ERBB4: variants seen among roughly 807,000 people sequenced by gnomAD.
The protein encoded by ERBB4 is receptor tyrosine-protein kinase erbB-4.
Under a neutral mutation model 158.0 loss-of-function variants are expected in ERBB4, and 42 were observed. The ratio of observed to expected loss-of-function variants is 0.27; its 90% CI spans 0.21 to 0.34. ERBB4 has a LOEUF of 0.34. ERBB4 is among the 10% of genes least tolerant of loss of function. The pLI is 1.00. For synonymous variants in ERBB4, 583 were observed against 558.7 expected (o/e 1.04, Z -0.61); for missense variants, 1,333 against 1,624.1 (o/e 0.82, Z 3.08).
intron 16 of ERBB4, among the ~76,000 whole-genome samples, chr2:211,648,692 C>G (rs1176428512): frequency 3.3e-5 from 5 of 151,806 alleles, no homozygotes; most frequent in Non-Finnish European, 4.4e-5. Flanking sequence ...GATACACAAT[C>G]TAAGATTCAT....
intron 23 of ERBB4, among the ~76,000 whole-genome samples, chr2:211,423,241 G>A (rs2063549581): frequency 6.6e-6 from 1 of 151,952 alleles, no homozygotes; most frequent in Non-Finnish European, 1.5e-5. Context: ...GAAAAGGGCA[G>A]GCTGACCTGA....
chr2:212,128,089 C>T (rs1041894329), intron 1 of ERBB4, among the ~76,000 whole-genome samples: 2 of 152,194 alleles, frequency 1.3e-5, no homozygotes, highest in Non-Finnish European at 2.9e-5. Context: ...CTCCATGCTA[C>T]ACTTCCATTG....
chr2:212,374,069 C>CAT (rs533237770), intron 1 of ERBB4, among the ~76,000 whole-genome samples: 3 of 77,512 alleles, frequency 3.9e-5, no homozygotes, highest in South Asian at 3.9e-4. Context: ...CATATATATC[C>CAT]ATATATATAT....
chr2:212,315,195 A>C (rs892949733), intron 1 of ERBB4, among the ~76,000 whole-genome samples: 1 of 151,422 alleles, frequency 6.6e-6, no homozygotes, highest in African/African-American at 2.4e-5. Flanking sequence ...CAAAAATATA[A>C]AAGTATAATA....
intron 3 of ERBB4, among the ~76,000 whole-genome samples, chr2:211,911,817 TTTTC>T (rs1170006325): frequency 7.0e-6 from 1 of 143,148 alleles, no homozygotes; most frequent in Non-Finnish European, 1.5e-5. Context: ...GGTTTTATTC[TTTTC>T]TTTTTTTTTT....
At chr2:211,492,287 C>G (rs2065363147) in intron 20 of ERBB4, among the ~76,000 whole-genome samples, 1 of 152,052 alleles carries the variant, frequency 6.6e-6, no homozygotes, top group Non-Finnish European at 1.5e-5. Flanking sequence ...GGGGAGCATT[C>G]AGGTTTTGGA....
chr2:211,948,870 A>G (rs1300606861), intron 2 of ERBB4, among the ~76,000 whole-genome samples: 2 of 151,932 alleles, frequency 1.3e-5, no homozygotes, highest in African/African-American at 4.8e-5. Flanking sequence ...ACTTTCCCCA[A>G]ACTCCAGATT....
intron 1 of ERBB4, among the ~76,000 whole-genome samples, chr2:212,376,034 C>T (rs1412650838): frequency 7.1e-6 from 1 of 141,396 alleles, no homozygotes; most frequent in Non-Finnish European, 1.6e-5. Context: ...TTGTTCATGC[C>T]CTAATTGATG....
At chr2:212,334,952 C>A (rs1287570161) in intron 1 of ERBB4, among the ~76,000 whole-genome samples, 2 of 151,834 alleles carry the variant, frequency 1.3e-5, no homozygotes, top group East Asian at 3.9e-4. Context: ...CTAAGTAGAT[C>A]ACTATATCAG....
rs1408253754 is a variant in ERBB4, at chr2:211,387,145, C to G, written c.3189G>C (p.Gln1063His). The change falls in exon 27 of 28, where the codon CAG becomes CAC. Residue 1063 changes from glutamine (Q) to histidine (H), a missense_variant. Physicochemically the swap from Gln to His is conservative, Grantham distance 24. Coordinates refer to ENST00000342788, the MANE Select transcript of ERBB4 (RefSeq NM_005235.3). Reference protein sequence around the residue: ...PPAYTPMSGNQFVYRDGGFAA... With the variant: ...PPAYTPMSGNHFVYRDGGFAA... ...CAAAACCTCCATCTCGGTATACAAA[C>G]TGGTTCTGTTAATAAGAGAAACATA... 5 of 1,611,932 alleles carry G rather than the reference C, an allele frequency of 3.1e-6. No homozygotes were observed. Among genetic ancestry groups the G allele is most frequent in the Non-Finnish European group, 4.2e-6 (5 of 1,178,098 alleles).
At chr2:211,661,909 G>GCTGTA (rs2071435638) in intron 15 of ERBB4, among the ~76,000 whole-genome samples, 1 of 147,910 alleles carries the variant, frequency 6.8e-6, no homozygotes. Flanking sequence ...CGTAGTGGCG[G>GCTGTA]GCGCCTGTAG....
At chr2:212,328,385 C>A (rs2106285459) in intron 1 of ERBB4, among the ~76,000 whole-genome samples, 1 of 152,126 alleles carries the variant, frequency 6.6e-6, no homozygotes, top group East Asian at 2.0e-4. Context: ...TACGACTTAG[C>A]ACCGCTTCTG....
At chr2:211,735,891 G>A (rs568721673) in intron 5 of ERBB4, among the ~76,000 whole-genome samples, 5 of 151,914 alleles carry the variant, frequency 3.3e-5, no homozygotes, top group South Asian at 4.2e-4. Flanking sequence ...AGTGGCTCAC[G>A]TCTGTAATCC....
chr2:212,133,297 C>T (rs1458610344), intron 1 of ERBB4, among the ~76,000 whole-genome samples: 9 of 152,008 alleles, frequency 5.9e-5, no homozygotes, highest in Non-Finnish European at 1.2e-4. Flanking sequence ...TAAGTATTTG[C>T]TCAAATGTCA....
At chr2:211,630,924 A>C (rs1458771772) in intron 16 of ERBB4, among the ~76,000 whole-genome samples, 1 of 152,160 alleles carries the variant, frequency 6.6e-6, no homozygotes, top group Non-Finnish European at 1.5e-5. Context: ...GTGTTGGCGC[A>C]TTTAATATTT....
chr2:211,716,219 A>T (rs531418482), intron 7 of ERBB4, among the ~76,000 whole-genome samples: 1 of 151,736 alleles, frequency 6.6e-6, no homozygotes, highest in Non-Finnish European at 1.5e-5. Flanking sequence ...AAAATTAGCC[A>T]GGCATGGTGG....
intron 1 of ERBB4, among the ~76,000 whole-genome samples, chr2:212,202,509 TG>T (rs1442769538): frequency 6.6e-6 from 1 of 152,024 alleles, no homozygotes; most frequent in Non-Finnish European, 1.5e-5. Flanking sequence ...CCACCATGTC[TG>T]GGTATTTTTT....
chr2:211,467,899 T>G (rs2064735000), intron 20 of ERBB4, among the ~76,000 whole-genome samples: 1 of 152,156 alleles, frequency 6.6e-6, no homozygotes, highest in African/African-American at 2.4e-5. Context: ...ATTGGGCCAA[T>G]CTGACTTTTA....
intron 5 of ERBB4, among the ~76,000 whole-genome samples, chr2:211,725,665 T>A (rs1407572268): frequency 6.6e-6 from 1 of 152,058 alleles, no homozygotes; most frequent in East Asian, 1.9e-4. Context: ...AATGAGACAT[T>A]TGGCAGGCTA....
Sources: allele counts gnomAD v4.1 joint callset (sites outside exome capture counted in the v4.1 genomes callset), GRCh38; gene constraint gnomAD v4.1.1; transcripts MANE v1.5; gene names NCBI Gene and HGNC (gene_info 2026-07-23, HGNC 2026-07-21).